Variants in CDK14 observed in about 807,000 individuals in gnomAD.
The protein encoded by CDK14 is cyclin dependent kinase 14.
Under a neutral mutation model 60.7 loss-of-function variants are expected in CDK14, and 34 were observed. That is an observed-to-expected ratio of 0.56 (90% CI 0.43 to 0.75). The LOEUF is 0.75. Among genes scored for constraint, CDK14 ranks in the 30% least tolerant of loss-of-function variants. CDK14 has a pLI of 0.00. For synonymous variants in CDK14, 197 were observed against 203.7 expected, an observed-to-expected ratio of 0.97 and a Z score of 0.28; for missense variants, 482 against 564.1, an observed-to-expected ratio of 0.85 and a Z score of 1.47.
At chr7:90,651,047 C>A (rs962834910) in intron 2 of CDK14, among the ~76,000 whole-genome samples, 3 of 152,176 alleles carry the variant, frequency 2.0e-5, no homozygotes, top group Non-Finnish European at 2.9e-5. Context: ...TTACCTTGGG[C>A]AGTATGGCCA....
In CDK14 at chr7:91,191,586, G is replaced by A. The variant is rs1027168904; in HGVS notation, c.*29-15579G>A. On this transcript the variant is annotated intron_variant, in intron 14 of 14. Transcript: ENST00000380050. ...ATATACATAACTTATTTTCAGAGTAGTTCTTCAAACATACCACAAACTGTG... is the reference window on the plus strand; with the variant it reads ...ATATACATAACTTATTTTCAGAGTAATTCTTCAAACATACCACAAACTGTG... Among the ~76,000 whole-genome samples, 5 of 151,648 alleles carry A rather than the reference G, an allele frequency of 3.3e-5. 1 individual carries two copies. Among genetic ancestry groups the A allele is most frequent in the African/African-American group, 1.2e-4 (5 of 41,340 alleles).
chr7:91,148,000 A>G (rs1800710542), intron 14 of CDK14, among the ~76,000 whole-genome samples: 1 of 152,236 alleles, frequency 6.6e-6, no homozygotes, highest in Admixed American at 6.5e-5. Flanking sequence ...ATATGCATAT[A>G]TAATCAATAG....
chr7:90,850,058 T>C (rs1435031840), intron 5 of CDK14, among the ~76,000 whole-genome samples: 2 of 152,082 alleles, frequency 1.3e-5, no homozygotes, highest in African/African-American at 4.8e-5. Flanking sequence ...CACCCACTTA[T>C]GAAAGGAAAA....
chr7:91,028,120 C>T (rs764957128), intron 10 of CDK14, among the ~76,000 whole-genome samples: 18 of 150,636 alleles, frequency 1.2e-4, no homozygotes, highest in Non-Finnish European at 1.6e-4. Flanking sequence ...TAGCTTAGCT[C>T]CCACTTATAA....
chr7:91,175,209 G>C (rs909182110), intron 14 of CDK14, among the ~76,000 whole-genome samples: 1 of 151,820 alleles, frequency 6.6e-6, no homozygotes, highest in Non-Finnish European at 1.5e-5. Flanking sequence ...GCCAAACTAA[G>C]CGTCATAAGT....
intron 14 of CDK14, among the ~76,000 whole-genome samples, chr7:91,123,396 C>T (rs1022656047): frequency 3.9e-5 from 6 of 151,956 alleles, no homozygotes; most frequent in African/African-American, 1.2e-4. Context: ...GTTGAAATGA[C>T]GCTTAGAGGG....
intron 5 of CDK14, among the ~76,000 whole-genome samples, chr7:90,828,393 T>C: frequency 6.6e-6 from 1 of 152,250 alleles, no homozygotes; most frequent in East Asian, 1.9e-4. Flanking sequence ...TACCTTGAAG[T>C]AATTATTTTT....
chr7:90,965,567 A>G (rs1165723452), intron 9 of CDK14, among the ~76,000 whole-genome samples: 1 of 152,120 alleles, frequency 6.6e-6, no homozygotes, highest in African/African-American at 2.4e-5. Flanking sequence ...GTTCCCTTAT[A>G]GCTCTATTCG....
intron 10 of CDK14, among the ~76,000 whole-genome samples, chr7:91,025,595 G>A (rs1258315293): frequency 2.6e-5 from 4 of 152,148 alleles, no homozygotes; most frequent in Non-Finnish European, 1.5e-5. Context: ...TGATCATATG[G>A]TTGCTGCCTT....
At chr7:91,061,948 T>G (rs1228271329) in intron 11 of CDK14, among the ~76,000 whole-genome samples, 1 of 152,138 alleles carries the variant, frequency 6.6e-6, no homozygotes, top group Non-Finnish European at 1.5e-5. Flanking sequence ...GACATTTAAG[T>G]CTGTAGAGGT....
intron 5 of CDK14, among the ~76,000 whole-genome samples, chr7:90,840,269 A>G (rs1369428701): frequency 1.3e-5 from 2 of 152,154 alleles, no homozygotes; most frequent in Admixed American, 6.5e-5. Context: ...TGTGTTGGAG[A>G]GATTGGCAGA....
intron 12 of CDK14, among the ~76,000 whole-genome samples, chr7:91,105,630 A>G (rs1184518803): frequency 2.0e-5 from 3 of 152,096 alleles, no homozygotes; most frequent in African/African-American, 7.2e-5. Context: ...TTTCCCATAG[A>G]TTAACATTAG....
chr7:91,079,476 A>C lies in CDK14; in HGVS notation c.1150A>C (p.Asn384His). Residue 384 changes from asparagine to histidine, a missense_variant, in exon 12 of 15, where the codon AAT becomes CAT. Transcript: ENST00000380050. ...YSSKNLRQAW[N>H]KLSYVNHAED... ...CTCTAAAAACCTTAGACAAGCATGG[A>C]ATAAGTAAGTCTTTATACAGATTGT... 3 of 1,597,394 alleles carry C rather than the reference A, an allele frequency of 1.9e-6. No individual in the cohort carries two copies. The highest frequency in any genetic ancestry group is 2.6e-6 in the Non-Finnish European group (3 of 1,165,936).
intron 5 of CDK14, among the ~76,000 whole-genome samples, chr7:90,835,340 A>T (rs957651607): frequency 3.3e-5 from 5 of 152,058 alleles, no homozygotes; most frequent in Admixed American, 2.0e-4. Flanking sequence ...GGAGAATTTT[A>T]TAAGATGGTG....
intron 3 of CDK14, among the ~76,000 whole-genome samples, chr7:90,736,870 T>C (rs1236997998): frequency 1.3e-5 from 2 of 152,170 alleles, no homozygotes; most frequent in Non-Finnish European, 2.9e-5. Flanking sequence ...GAGCCTTGAC[T>C]GAAATCAAGG....
intron 2 of CDK14, among the ~76,000 whole-genome samples, chr7:90,653,324 T>C (rs966281329): frequency 7.9e-5 from 12 of 152,238 alleles, no homozygotes; most frequent in African/African-American, 2.9e-4. Context: ...AATATTGGAA[T>C]TACCTCTGTG....
At chr7:90,746,515 A>G (rs1037799318) in intron 3 of CDK14, among the ~76,000 whole-genome samples, 4 of 152,238 alleles carry the variant, frequency 2.6e-5, no homozygotes, top group African/African-American at 9.6e-5. Flanking sequence ...TATGAATTAT[A>G]TGTATATTTA....
chr7:90,899,382 T>A, intron 7 of CDK14, 29 bp downstream of exon 7: 1 of 1,552,538 alleles, frequency 6.4e-7, no homozygotes. Context: ...AAGCCAAAGG[T>A]TAGCATTCTT....
chr7:91,079,027 T>C (rs1227286202), intron 11 of CDK14, among the ~76,000 whole-genome samples: 1 of 152,198 alleles, frequency 6.6e-6, no homozygotes, highest in East Asian at 1.9e-4. Context: ...GACCCAATAT[T>C]ATTGTATTTG....
Sources: gnomAD v4.1 joint callset for allele counts (sites outside exome capture counted in the v4.1 genomes callset) on GRCh38, gnomAD v4.1.1 for gene constraint, MANE v1.5 for transcripts, NCBI Gene and HGNC (gene_info 2026-07-23, HGNC 2026-07-21) for gene names.